Variants in KCP observed in about 807,000 individuals in gnomAD.
KCP encodes kielin cysteine rich BMP regulator.
Under a neutral mutation model 212.7 loss-of-function variants are expected in KCP, and 194 were observed. The ratio of observed to expected loss-of-function variants is 0.91; its 90% CI spans 0.81 to 1.03. The LOEUF (loss-of-function observed/expected upper bound fraction) is 1.03, where lower values mean the gene tolerates loss of function less well. Ranked by LOEUF, KCP falls within the 50% of genes least tolerant of loss-of-function variation. The probability of loss-of-function intolerance (pLI) is 0.00; values close to 1 mark genes in which losing one functional copy is unlikely to be tolerated. For synonymous variants in KCP, 833 were observed against 865.3 expected (o/e 0.96, Z 0.65); for missense variants, 2,080 against 2,162.5 (o/e 0.96, Z 0.76).
At chr7:128,881,417 A>G (rs1026909090) in intron 31 of KCP, among the ~76,000 whole-genome samples, 1 of 152,168 alleles carries the variant, frequency 6.6e-6, no homozygotes, top group African/African-American at 2.4e-5. Context: ...TTGAGAATCT[A>G]GGCTTCATCC....
Position 128,908,199 on chromosome 7 carries a change from AAG to A in KCP, c.219+225_219+226del, listed in dbSNP as rs200626874. On this transcript the variant is annotated intron_variant, in intron 2 of 39. Coordinates refer to ENST00000610776, the MANE Select transcript of KCP (RefSeq NM_001366122.1). ...TGGAAGGAAGGAAGGAAGGAAAAGA[AAG>A]AAAAAAAAAGAAAGGAAGGAGGGAA... Among the ~76,000 whole-genome samples, 7 of 134,478 alleles carry A rather than the reference AAG, an allele frequency of 5.2e-5. 1 individual carries two copies. The highest frequency in any genetic ancestry group is 2.2e-4 in the African/African-American group (7 of 32,100). 88.2% of individuals were successfully genotyped at this position (134,478 alleles called of 152,430 possible). A position where few individuals can be genotyped will look rare whatever the true frequency, so the allele number is the denominator to read the frequency against.
chr7:128,908,681 C>T (rs956311163), intron 1 of KCP, 113 bp from the exon 2 acceptor site: 2 of 1,191,848 alleles, frequency 1.7e-6, no homozygotes, highest in Non-Finnish European at 2.3e-6. Context: ...GTGCACCCTG[C>T]CCTCTCCAAT....
intron 8 of KCP, among the ~76,000 whole-genome samples, chr7:128,901,422 C>T (rs1488986973): frequency 6.6e-6 from 1 of 152,032 alleles, no homozygotes; most frequent in Admixed American, 6.6e-5. Flanking sequence ...GTCAGGAGAT[C>T]GAGACCATCC....
intron 37 of KCP, chr7:128,879,025 A>G: frequency 2.3e-6 from 1 of 430,472 alleles, no homozygotes; most frequent in Non-Finnish European, 4.2e-6. Flanking sequence ...CCTTCCGGGG[A>G]TTCACTTTCT....
rs6948542 is a variant in KCP at position 128,907,459 on chromosome 7, G to A, written c.220-6C>T. 290,622 of 1,462,086 alleles carry A rather than the reference G, an allele frequency of 0.2. 34,341 individuals are homozygous for A. Among genetic ancestry groups the A allele is most frequent in the East Asian group, 0.53 (20,561 of 39,122 alleles). 90.6% of individuals were successfully genotyped at this position (1,462,086 alleles called of 1,614,324 possible). On this transcript the variant is annotated splice_region_variant and splice_polypyrimidine_tract_variant and intron_variant, in intron 2 of 39. Transcript: ENST00000610776. Reference sequence around the variant, plus strand: ...CTCGTCTGCAGGTCCTTATTCTGGAGGAAGGAGATGGAATAGCAGGCACTG... The same window carrying A: ...CTCGTCTGCAGGTCCTTATTCTGGAAGAAGGAGATGGAATAGCAGGCACTG...
chr7:128,879,475 T>C, intron 37 of KCP, 47 bp downstream of exon 37: 1 of 1,497,518 alleles, frequency 6.7e-7, no homozygotes, highest in Non-Finnish European at 9.1e-7. Flanking sequence ...TAAACAGGAC[T>C]GAAGCTCCCA....
chr7:128,907,154 AGGTCT>A lies in KCP; in HGVS notation c.428_432del (p.Gln143LeufsTer36). On this transcript the variant is annotated frameshift_variant, in exon 4 of 40. Transcript: ENST00000610776. LOFTEE classifies it high-confidence loss of function. ...GGGGAGAAGGTCTCCCCGTTGCCGT[AGGTCT>A]GGCCATTTTGGCTGCAGCCTAAGGA... 6.4e-7 allele frequency: 1 copy of A among 1,551,560 alleles called. No individual in the cohort carries two copies. The highest frequency in any genetic ancestry group is 8.7e-7 in the Non-Finnish European group (1 of 1,146,892).
chr7:128,902,942 A>G, intron 7 of KCP, 83 bp from the exon 8 acceptor site: 1 of 1,029,592 alleles, frequency 9.7e-7, no homozygotes, highest in Non-Finnish European at 1.5e-6. Context: ...TTCCTTGTCC[A>G]CATGCCCTCT....
intron 1 of KCP, among the ~76,000 whole-genome samples, chr7:128,909,709 G>A (rs1228004388): frequency 6.6e-6 from 1 of 152,152 alleles, no homozygotes; most frequent in Non-Finnish European, 1.5e-5. Flanking sequence ...AAGTCTCCCA[G>A]GAGCAAGTCC....
rs1160956945 is a variant in KCP, at chr7:128,877,764, C to T, written c.4338G>A (p.Arg1446=). 6.5e-7 allele frequency: 1 copy of T among 1,549,774 alleles called. No homozygotes were observed. The highest frequency in any genetic ancestry group is 2.4e-5 in the East Asian group (1 of 40,912). ...CCACCTCTCGGCCTGCAGAACAGGGCCGGCCAGGCCACAGCCCCTCTGAGA... is the reference window on the plus strand; with the variant it reads ...CCACCTCTCGGCCTGCAGAACAGGGTCGGCCAGGCCACAGCCCCTCTGAGA... ...WQVSEGLWPG[R]PCSAGREVDP... The change falls in exon 39 of 40, where the codon CGG becomes CGA. Residue 1446 remains arginine, a synonymous_variant. Transcript: ENST00000610776.
chr7:128,894,366 A>C, intron 8 of KCP, 73 bp from the exon 9 acceptor site: 1 of 1,185,538 alleles, frequency 8.4e-7, no homozygotes, highest in Non-Finnish European at 1.2e-6. Context: ...TTAGAATCCC[A>C]GCTATCCACT....
rs924241475 is a variant in KCP at position 128,904,493 on chromosome 7, C to A, written c.572-355G>T. On this transcript the variant is annotated intron_variant, in intron 5 of 39. Transcript: ENST00000610776. ...GTTCCATCCCTCTCCTTTGCCAGAG[C>A]TGGCTTACTCTGCAGGCCTAGCAGG... is the stretch of plus-strand genomic sequence containing the variant. 6.1e-6 allele frequency: 5 copies of A among 814,306 alleles called. No individual in the cohort carries two copies. The Admixed American group carries it at 9.8e-5, about 16-fold the overall frequency. The allele number at this position is 814,306 out of a possible 1,614,324, so 50.4% of individuals were successfully genotyped here. A position where few individuals can be genotyped will look rare whatever the true frequency, so the allele number is the denominator to read the frequency against.
chr7:128,901,518 C>T (rs1191895294), intron 8 of KCP, among the ~76,000 whole-genome samples: 1 of 151,838 alleles, frequency 6.6e-6, no homozygotes, highest in South Asian at 2.1e-4. Flanking sequence ...CCCAGCTACT[C>T]GGGATACGGA....
Position 128,876,868 on chromosome 7 carries a change from G to A in KCP, c.*175C>T, listed in dbSNP as rs562807046. On this transcript the variant is annotated 3_prime_UTR_variant, in exon 40 of 40. Coordinates refer to ENST00000610776, the MANE Select transcript of KCP (RefSeq NM_001366122.1). ...TACACACACACACAAGGAAGCCTTC[G>A]GGCAGGCCTAGAGTTTACTGCTGGT... 238 of 659,646 alleles carry A rather than the reference G, an allele frequency of 3.6e-4. 3 individuals are homozygous for A. The African/African-American group carries it at 3.8e-3, about 11-fold the overall frequency. 40.9% of individuals were successfully genotyped at this position (659,646 alleles called of 1,614,324 possible).
At chr7:128,884,217 GCCTCTTC>G in intron 28 of KCP, 95 bp from the exon 29 acceptor site, 1 of 1,433,952 alleles carries the variant, frequency 7.0e-7, no homozygotes, top group Admixed American at 2.7e-5. Flanking sequence ...GCCTGCTGCA[GCCTCTTC>G]CGGGACATGT....
At chr7:128,886,777 C>T (rs1305893490) in intron 24 of KCP, 40 bp from the exon 25 acceptor site, 4 of 1,539,704 alleles carry the variant, frequency 2.6e-6, no homozygotes, top group Admixed American at 2.0e-5. Flanking sequence ...GCCTGTGCCA[C>T]CCTGCCCTGC....
chr7:128,881,580 C>A, intron 31 of KCP, 46 bp downstream of exon 31: 1 of 1,357,076 alleles, frequency 7.4e-7, no homozygotes, highest in Non-Finnish European at 9.8e-7. Flanking sequence ...TCCTGTGTTC[C>A]CCCTGGGCTC....
rs1287212733 is a variant in KCP at position 128,907,302 on chromosome 7, G to A, written c.371C>T (p.Ala124Val). The change falls in exon 3 of 40, where the codon GCT (alanine) becomes GTT (valine). Residue 124 changes from alanine to valine, a missense_variant. By Grantham distance (64) the Ala-to-Val change is moderately conservative. Coordinates refer to ENST00000610776, the MANE Select transcript of KCP (RefSeq NM_001366122.1). ...CTACVCQDGA[A>V]HCGPQAHLPH... ...CAGGTGTGCTTGGGGGCCACAGTGA[G>A]CGGCCCCATCCTGGCAGACGCAGGC... 6.5e-7 allele frequency: 1 copy of A among 1,538,606 alleles called. No individual in the cohort carries two copies. Among genetic ancestry groups the A allele is most frequent in the East Asian group, 2.5e-5 (1 of 40,520 alleles).
At chr7:128,903,703 C>G in intron 7 of KCP, 24 bp downstream of exon 7, 10 of 1,524,126 alleles carry the variant, frequency 6.6e-6, no homozygotes, top group Non-Finnish European at 7.9e-6. Flanking sequence ...GTGGCTCTAC[C>G]AGGGAGGGGC....
Sources: gnomAD v4.1 joint callset for allele counts (sites outside exome capture counted in the v4.1 genomes callset) on GRCh38, gnomAD v4.1.1 for gene constraint, MANE v1.5 for transcripts, NCBI Gene and HGNC (gene_info 2026-07-23, HGNC 2026-07-21) for gene names.